Variants in TRPA1 observed in about 807,000 individuals in gnomAD.
TRPA1 encodes ankyrin-like with transmembrane domains 1.
Under a neutral mutation model 131.3 loss-of-function variants are expected in TRPA1, and 129 were observed. That is an observed-to-expected ratio of 0.98 (90% CI 0.85 to 1.14). The LOEUF (loss-of-function observed/expected upper bound fraction) is 1.14, where lower values mean the gene tolerates loss of function less well. Ranked by LOEUF, TRPA1 falls within the 50% of genes most tolerant of loss-of-function variation. The pLI, the probability that TRPA1 is intolerant of heterozygous loss-of-function variation, is 0.00. For synonymous variants in TRPA1, 441 were observed against 451.7 expected (o/e 0.98, Z 0.30); for missense variants, 1,304 against 1,354.2 (o/e 0.96, Z 0.58).
In TRPA1 at chr8:72,022,916, A is replaced by G; in HGVS notation, c.3350T>C (p.Leu1117Pro). ...LRAVKAKTHH[L>P]EP Reference sequence around the variant, plus strand: ...TGAAGGTCTGAGGAGCTAAGGCTCAAGATGGTGTGTTTTTGCCTTGACTGC... The same window carrying G: ...TGAAGGTCTGAGGAGCTAAGGCTCAGGATGGTGTGTTTTTGCCTTGACTGC... The change falls in exon 27 of 27, where the codon CTT becomes CCT. Residue 1117 changes from leucine (L) to proline (P), a missense_variant. Leu to Pro is a moderately conservative substitution (Grantham distance 98). Transcript: ENST00000262209. The G allele has an allele frequency of 6.2e-7, 1 of 1,613,704 alleles. No individual in the cohort carries two copies. The highest frequency in any genetic ancestry group is 8.5e-7 in the Non-Finnish European group (1 of 1,179,766).
intron 2 of TRPA1, among the ~76,000 whole-genome samples, chr8:72,070,013 T>G (rs1806022537): frequency 6.6e-6 from 1 of 152,194 alleles, no homozygotes; most frequent in African/African-American, 2.4e-5. Flanking sequence ...TTCCACATAT[T>G]TCTGCAATAC....
At chr8:72,047,239 G>T (rs1258277342) in intron 15 of TRPA1, 32 bp from the exon 16 acceptor site, 11 of 1,504,750 alleles carry the variant, frequency 7.3e-6, no homozygotes, top group Non-Finnish European at 1.0e-5. Context: ...TAAGATATTG[G>T]GGCAGTACAC....
In TRPA1 at chr8:72,054,040, G is replaced by T. The variant is rs1265189006; in HGVS notation, c.1530-173C>A. 4.9e-6 allele frequency: 3 copies of T among 616,522 alleles called. No individual in the cohort carries two copies. In the Admixed American group the frequency reaches 7.8e-5, roughly 16 times the overall value. 38.2% of individuals were successfully genotyped at this position (616,522 alleles called of 1,614,324 possible). A position where few individuals can be genotyped will look rare whatever the true frequency, so the allele number is the denominator to read the frequency against. ...TAAATGAGCTAATTCCAAGCTCAAT[G>T]ATCTTAAATGACCTATTTCTAATGT... On this transcript the variant is annotated intron_variant, in intron 12 of 26. Coordinates refer to ENST00000262209, the MANE Select transcript of TRPA1 (RefSeq NM_007332.3).
chr8:72,037,655 C>A (rs1227624942), intron 20 of TRPA1, among the ~76,000 whole-genome samples: 1 of 151,974 alleles, frequency 6.6e-6, no homozygotes, highest in Non-Finnish European at 1.5e-5. Flanking sequence ...TTATCAAGTT[C>A]AAAATGTAAC....
chr8:72,025,897 C>T, intron 25 of TRPA1, 63 bp downstream of exon 25: 2 of 1,417,092 alleles, frequency 1.4e-6, no homozygotes, highest in African/African-American at 2.8e-5. Flanking sequence ...TTAGGGTTAA[C>T]ACAATGAATG....
intron 13 of TRPA1, 86 bp downstream of exon 13, chr8:72,053,667 A>C (rs1309506338): frequency 3.1e-6 from 3 of 956,958 alleles, no homozygotes; most frequent in African/African-American, 1.6e-5. Flanking sequence ...AAGGAAGGTA[A>C]AAGGTGTCTA....
intron 20 of TRPA1, 80 bp from the exon 21 acceptor site, chr8:72,036,537 A>G: frequency 7.4e-7 from 1 of 1,349,350 alleles, no homozygotes; most frequent in Non-Finnish European, 1.0e-6. Context: ...ACCCCGTAAT[A>G]CAATTTTTCT....
At chr8:72,088,137 A>C in the TRPA1 span, among the ~76,000 whole-genome samples, 1 of 152,194 alleles carries the variant, frequency 6.6e-6, no homozygotes, top group African/African-American at 2.4e-5. Flanking sequence ...TGAATGCTTG[A>C]AGCTGTCTTT....
upstream of TRPA1, chr8:72,075,664 C>T: frequency 1.9e-6 from 1 of 522,894 alleles, no homozygotes; most frequent in Non-Finnish European, 3.5e-6. Flanking sequence ...CGCGGAGCTC[C>T]TTCGCAAAGA....
intron 3 of TRPA1, among the ~76,000 whole-genome samples, chr8:72,067,445 A>ATTTGTC (rs1244583132): frequency 1.3e-5 from 2 of 152,050 alleles, no homozygotes; most frequent in Non-Finnish European, 1.5e-5. Context: ...CACCAGGAAA[A>ATTTGTC]TTTGTTTTAT....
chr8:72,063,242 A>G (rs1179287023), intron 5 of TRPA1, among the ~76,000 whole-genome samples: 1 of 152,054 alleles, frequency 6.6e-6, no homozygotes, highest in Non-Finnish European at 1.5e-5. Flanking sequence ...TTAGATGGGC[A>G]TGGTGGCATG....
chr8:72,057,150 A>C, intron 9 of TRPA1, 133 bp from the exon 10 acceptor site: 1 of 703,106 alleles, frequency 1.4e-6, no homozygotes, highest in South Asian at 1.9e-5. Flanking sequence ...AATTGTGTTT[A>C]GATGAGAAAA....
Position 72,065,477 on chromosome 8 carries a change from TTG to T in TRPA1, c.524_525del (p.Thr175LysfsTer2). The T allele has an allele frequency of 6.2e-7, 1 of 1,613,538 alleles. No homozygotes were observed. Among genetic ancestry groups the T allele is most frequent in the Non-Finnish European group, 8.5e-7 (1 of 1,179,664 alleles). ...AAAATCTGCAATGCTTCGCTATTAT[TTG>T]TGGTGCACGCAATGATCACAGCTGT... Reference protein sequence around the residue: ...GNTAVIIACTTNNSEALQILL... With the variant: ...GNTAVIIACTXNNSEALQILL... On this transcript the variant is annotated frameshift_variant, in exon 4 of 27. Transcript: ENST00000262209. LOFTEE classifies it high-confidence loss of function.
chr8:72,081,641 C>A, the TRPA1 span, among the ~76,000 whole-genome samples: 1 of 151,766 alleles, frequency 6.6e-6, no homozygotes, highest in Non-Finnish European at 1.5e-5. Flanking sequence ...TCTCACAATT[C>A]TGTCAGGATT....
At chr8:72,045,582 T>C (rs1254829297) in intron 17 of TRPA1, among the ~76,000 whole-genome samples, 2 of 149,452 alleles carry the variant, frequency 1.3e-5, no homozygotes, top group African/African-American at 4.9e-5. Flanking sequence ...AGCCCAAATC[T>C]AGACCAAAAT....
chr8:72,079,264 C>T (rs1245695463), upstream of TRPA1, among the ~76,000 whole-genome samples: 1 of 151,628 alleles, frequency 6.6e-6, no homozygotes, highest in Non-Finnish European at 1.5e-5. Flanking sequence ...TGTTAATTTC[C>T]TATATTGTGT....
chr8:72,069,461 A>G (rs1159070296), intron 2 of TRPA1, among the ~76,000 whole-genome samples: 1 of 152,218 alleles, frequency 6.6e-6, no homozygotes, highest in African/African-American at 2.4e-5. Context: ...TCCTATTGCT[A>G]TATGTTTTTA....
intron 9 of TRPA1, 24 bp from the exon 10 acceptor site, chr8:72,057,041 A>G (rs758234953): frequency 6.6e-7 from 1 of 1,518,298 alleles, no homozygotes; most frequent in Non-Finnish European, 9.0e-7. Flanking sequence ...CTATGTAAAT[A>G]TAAATTCTAT....
At chr8:72,052,250 C>A (rs982711856) in intron 14 of TRPA1, among the ~76,000 whole-genome samples, 1 of 152,066 alleles carries the variant, frequency 6.6e-6, no homozygotes, top group African/African-American at 2.4e-5. Flanking sequence ...GGTGAAACCA[C>A]GTCTCAATGA....
Sources: allele counts gnomAD v4.1 joint callset (sites outside exome capture counted in the v4.1 genomes callset), GRCh38; gene constraint gnomAD v4.1.1; transcripts MANE v1.5; gene names NCBI Gene and HGNC (gene_info 2026-07-23, HGNC 2026-07-21).